ADGRV1: variants seen among roughly 807,000 people sequenced by gnomAD.
ADGRV1 encodes G-protein coupled receptor 98.
In ADGRV1, 359 loss-of-function variants were observed where a neutral mutation model predicts 596.2. The observed-to-expected ratio is 0.60, with a 90% CI of 0.55 to 0.66. The LOEUF (loss-of-function observed/expected upper bound fraction) is 0.66. Among genes scored for constraint, ADGRV1 ranks in the 30% least tolerant of loss-of-function variants. The pLI is 0.00. For missense variants in ADGRV1, 7,274 were observed against 7,575.6 expected (o/e 0.96, Z 1.48); for synonymous variants, 2,681 against 2,679.2 (o/e 1.00, Z -0.02).
chr5:90,750,831 G>C, intron 53 of ADGRV1, 134 bp downstream of exon 53: 2 of 613,866 alleles, frequency 3.3e-6, no homozygotes, highest in South Asian at 6.7e-5. Flanking sequence ...AATCATTGTA[G>C]AGAGGGATAC....
intron 87 of ADGRV1, among the ~76,000 whole-genome samples, chr5:91,103,017 C>G (rs1582066287): frequency 6.6e-6 from 1 of 152,180 alleles, no homozygotes; most frequent in Admixed American, 6.5e-5. Flanking sequence ...AAAAGAATTT[C>G]TTAAATTTAT....
chr5:90,573,818 G>A (rs1756852513), intron 1 of ADGRV1, among the ~76,000 whole-genome samples: 1 of 152,162 alleles, frequency 6.6e-6, no homozygotes, highest in South Asian at 2.1e-4. Flanking sequence ...AGCATAATTT[G>A]TCAGATATTG....
intron 87 of ADGRV1, among the ~76,000 whole-genome samples, chr5:91,102,945 A>G (rs1357786611): frequency 6.6e-6 from 1 of 152,256 alleles, no homozygotes; most frequent in Non-Finnish European, 1.5e-5. Flanking sequence ...CCTGATATTA[A>G]CAAATGGAAC....
At chr5:90,984,246 A>G (rs1021096669) in intron 84 of ADGRV1, among the ~76,000 whole-genome samples, 4 of 152,060 alleles carry the variant, frequency 2.6e-5, no homozygotes, top group African/African-American at 4.8e-5. Flanking sequence ...ATTCATTCAT[A>G]CTCACACTCT....
chr5:90,947,203 A>G (rs761182653), intron 83 of ADGRV1, among the ~76,000 whole-genome samples: 13 of 152,072 alleles, frequency 8.5e-5, no homozygotes, highest in Non-Finnish European at 1.8e-4. Context: ...ACGGTATCTC[A>G]TTGTGATTTT....
Position 90,759,530 on chromosome 5 carries a change from C to T in ADGRV1, c.12062C>T (p.Thr4021Ile). The change falls in exon 58 of 90, where the codon ACT (threonine) becomes ATT (isoleucine). Residue 4021 changes from threonine to isoleucine, a missense_variant. Transcript: ENST00000405460. ...AGACTTGGTGATGATGTTGTGGTAA[C>T]TGTTGTTATTCCACAAAATGATTCT... ...GGRLGDDVVV[T>I]VVIPQNDSPF... 1.9e-6 allele frequency: 3 copies of T among 1,613,030 alleles called. No individual in the cohort carries two copies. The highest frequency in any genetic ancestry group is 2.5e-6 in the Non-Finnish European group (3 of 1,179,230).
At chr5:90,739,695 A>G (rs1753714421) in intron 50 of ADGRV1, among the ~76,000 whole-genome samples, 1 of 152,148 alleles carries the variant, frequency 6.6e-6, no homozygotes, top group Non-Finnish European at 1.5e-5. Flanking sequence ...CTGGCTGGAT[A>G]GTGCTGTGGT....
intron 87 of ADGRV1, among the ~76,000 whole-genome samples, chr5:91,102,684 T>A (rs1791492922): frequency 6.6e-6 from 1 of 152,218 alleles, no homozygotes; most frequent in Non-Finnish European, 1.5e-5. Flanking sequence ...ATATTTGGAT[T>A]GTGGCTGGGT....
At chr5:90,949,179 T>C (rs1353768845) in intron 83 of ADGRV1, among the ~76,000 whole-genome samples, 4 of 152,104 alleles carry the variant, frequency 2.6e-5, no homozygotes, top group African/African-American at 7.2e-5. Flanking sequence ...ATAGGCAAAA[T>C]TAATGATGAT....
intron 85 of ADGRV1, among the ~76,000 whole-genome samples, chr5:91,005,607 T>A (rs1180042513): frequency 6.6e-6 from 1 of 152,170 alleles, no homozygotes; most frequent in Non-Finnish European, 1.5e-5. Flanking sequence ...ACTCTCCTAC[T>A]TTATTATCCA....
intron 1 of ADGRV1, among the ~76,000 whole-genome samples, chr5:90,598,847 T>C (rs547587960): frequency 6.6e-6 from 1 of 152,226 alleles, no homozygotes; most frequent in Non-Finnish European, 1.5e-5. Flanking sequence ...TCATACTTGT[T>C]ACATGCTAGG....
At chr5:91,042,527 C>A (rs909386668) in intron 85 of ADGRV1, among the ~76,000 whole-genome samples, 50 of 152,092 alleles carry the variant, frequency 3.3e-4, no homozygotes, top group Non-Finnish European at 7.4e-5. Context: ...TCAAATTGCA[C>A]AAGTCTCTCT....
rs889312020 is a variant in ADGRV1 at position 90,755,092 on chromosome 5, A to G, written c.11487A>G (p.Gln3829=). ...ATTTCTTACTGCATGTCGATAATCA[A>G]GCTACTGAGAATGAAGATTATGTAT... ...QPNFLLHVDN[Q]ATENEDYVLQ... The change falls in exon 55 of 90, where the codon CAA becomes CAG. Residue 3829 remains glutamine (Q), a synonymous_variant. Coordinates refer to ENST00000405460, the MANE Select transcript of ADGRV1 (RefSeq NM_032119.4). 37 of 1,609,826 alleles carry G rather than the reference A, an allele frequency of 2.3e-5. No individual in the cohort carries two copies. The highest frequency in any genetic ancestry group is 8.0e-5 in the African/African-American group (6 of 74,850).
chr5:90,795,369 G>A (rs1325429358), intron 70 of ADGRV1, among the ~76,000 whole-genome samples: 2 of 152,146 alleles, frequency 1.3e-5, no homozygotes, highest in East Asian at 1.9e-4. Flanking sequence ...CCCTCACAGT[G>A]TAAACAAAGC....
intron 84 of ADGRV1, among the ~76,000 whole-genome samples, chr5:90,975,461 T>C (rs779633984): frequency 1.1e-4 from 17 of 152,120 alleles, no homozygotes; most frequent in Non-Finnish European, 2.2e-4. Context: ...CAAATGTCCA[T>C]CAGTGATAGA....
chr5:90,736,427 A>G (rs1388323958), intron 50 of ADGRV1, among the ~76,000 whole-genome samples: 1 of 151,936 alleles, frequency 6.6e-6, no homozygotes, highest in African/African-American at 2.4e-5. Context: ...ATTGGCCTGT[A>G]ATTTCTTTTT....
At chr5:90,613,915 T>C (rs1763021373) in intron 1 of ADGRV1, among the ~76,000 whole-genome samples, 1 of 152,138 alleles carries the variant, frequency 6.6e-6, no homozygotes, top group African/African-American at 2.4e-5. Context: ...ATAGAGTATG[T>C]AATGCAGCTC....
At chr5:90,978,273 G>C (rs898329181) in intron 84 of ADGRV1, among the ~76,000 whole-genome samples, 2 of 150,328 alleles carry the variant, frequency 1.3e-5, no homozygotes, top group African/African-American at 2.5e-5. Flanking sequence ...CCAGACTGGG[G>C]GACAGAGCGA....
intron 85 of ADGRV1, among the ~76,000 whole-genome samples, chr5:91,042,465 G>T (rs1042170696): frequency 2.0e-5 from 3 of 152,076 alleles, no homozygotes; most frequent in Admixed American, 2.0e-4. Flanking sequence ...ATATGTTCAA[G>T]GTTTTAGCCA....
Sources: allele counts gnomAD v4.1 joint callset (sites outside exome capture counted in the v4.1 genomes callset), GRCh38; gene constraint gnomAD v4.1.1; transcripts MANE v1.5; gene names NCBI Gene and HGNC (gene_info 2026-07-23, HGNC 2026-07-21).